Variants in GRK5 observed in about 807,000 individuals in gnomAD.
GRK5 encodes g protein-coupled receptor kinase GRK5.
GRK5 carries 40 observed loss-of-function variants against 78.4 expected under a neutral mutation model. The observed-to-expected ratio is 0.51, with a 90% confidence interval of 0.40 to 0.66. The LOEUF is 0.66. Among genes scored for constraint, GRK5 ranks in the 30% least tolerant of loss-of-function variants. GRK5 has a pLI of 0.00. For missense variants in GRK5, 598 were observed against 759.9 expected, an observed-to-expected ratio of 0.79 and a Z score of 2.50; for synonymous variants, 289 against 296.8, an observed-to-expected ratio of 0.97 and a Z score of 0.27.
At chr10:119,426,814 CCATCATCAG>C (rs1419611213) in intron 6 of GRK5, among the ~76,000 whole-genome samples, 1 of 152,012 alleles carries the variant, frequency 6.6e-6, no homozygotes, top group Non-Finnish European at 1.5e-5. Context: ...AACATCACCA[CCATCATCAG>C]CATCATCACC....
intron 11 of GRK5, 143 bp downstream of exon 11, chr10:119,442,231 T>C: frequency 1.4e-6 from 1 of 734,354 alleles, no homozygotes; most frequent in Non-Finnish European, 2.3e-6. Flanking sequence ...TCTGCAGGGC[T>C]GCTGGGGGGC....
At chr10:119,278,531 G>T (rs1238507435) in intron 1 of GRK5, among the ~76,000 whole-genome samples, 1 of 152,084 alleles carries the variant, frequency 6.6e-6, no homozygotes, top group Non-Finnish European at 1.5e-5. Flanking sequence ...TTTCTGAGCT[G>T]ACTGCTAGTT....
At chr10:119,326,321 G>A (rs990383722) in intron 1 of GRK5, among the ~76,000 whole-genome samples, 195 bp from the exon 2 acceptor site, 3 of 152,218 alleles carry the variant, frequency 2.0e-5, no homozygotes, top group Non-Finnish European at 2.9e-5. Context: ...GACTGTGCGG[G>A]ATACTGGGGC....
At chr10:119,362,583 C>CT (rs1188194343) in intron 2 of GRK5, among the ~76,000 whole-genome samples, 1 of 152,200 alleles carries the variant, frequency 6.6e-6, no homozygotes, top group Non-Finnish European at 1.5e-5. Context: ...GGAAGGAAGA[C>CT]TAAATAGTGT....
chr10:119,407,122 G>A (rs967698019), intron 4 of GRK5, among the ~76,000 whole-genome samples: 10 of 152,132 alleles, frequency 6.6e-5, no homozygotes, highest in African/African-American at 2.4e-4. Flanking sequence ...GCTGGGGGCT[G>A]GACTTCTCTT....
At chr10:119,325,339 G>A (rs1008973414) in intron 1 of GRK5, among the ~76,000 whole-genome samples, 10 of 152,212 alleles carry the variant, frequency 6.6e-5, no homozygotes, top group African/African-American at 2.2e-4. Context: ...GCCAGAGCAA[G>A]GTGGAGGACA....
intron 1 of GRK5, among the ~76,000 whole-genome samples, chr10:119,257,710 C>T (rs959630998): frequency 1.3e-5 from 2 of 151,998 alleles, no homozygotes; most frequent in Non-Finnish European, 2.9e-5. Flanking sequence ...GGCAACAGAG[C>T]GAGACTCTGT....
At chr10:119,221,995 G>C (rs1343826409) in intron 1 of GRK5, among the ~76,000 whole-genome samples, 2 of 152,148 alleles carry the variant, frequency 1.3e-5, no homozygotes, top group African/African-American at 2.4e-5. Flanking sequence ...TGTAAATCAG[G>C]CAGGGGGTAC....
chr10:119,396,765 C>T lies in GRK5; in HGVS notation c.332C>T (p.Thr111Ile). Residue 111 changes from threonine (T) to isoleucine (I), a missense_variant, in exon 4 of 16, where the codon ACC becomes ATC. Physicochemically the swap from Thr to Ile is moderately conservative, Grantham distance 89. Coordinates refer to ENST00000392870, the MANE Select transcript of GRK5 (RefSeq NM_005308.3). ...KGKEIMTKYL[T>I]PKSPVFIAQV... ...AAGGAAATTATGACCAAGTACCTCA[C>T]CCCAAAGGTAAGGAGTCTTCCAAAC... 2 of 1,612,692 alleles carry T rather than the reference C, an allele frequency of 1.2e-6. No homozygotes were observed. Among genetic ancestry groups the T allele is most frequent in the Non-Finnish European group, 8.5e-7 (1 of 1,178,664 alleles).
At chr10:119,446,132 T>C (rs1853143778) in intron 12 of GRK5, among the ~76,000 whole-genome samples, 1 of 152,158 alleles carries the variant, frequency 6.6e-6, no homozygotes, top group Non-Finnish European at 1.5e-5. Flanking sequence ...AAGCCCGCTC[T>C]GCCTGCCCCA....
chr10:119,357,404 A>G (rs1298204588), intron 2 of GRK5, among the ~76,000 whole-genome samples: 2 of 152,172 alleles, frequency 1.3e-5, no homozygotes, highest in Non-Finnish European at 2.9e-5. Context: ...AAAGCCCCTC[A>G]TGGGAGCGGG....
chr10:119,455,475 A>G lies in GRK5; in HGVS notation c.*408A>G, dbSNP rs1399867007. The G allele has an allele frequency of 2.8e-6, 1 of 360,194 alleles. No individual in the cohort carries two copies. The highest frequency in any genetic ancestry group is 5.3e-6 in the Non-Finnish European group (1 of 188,950). 22.3% of individuals were successfully genotyped at this position (360,194 alleles called of 1,614,324 possible). A position where few individuals can be genotyped will look rare whatever the true frequency, so the allele number is the denominator to read the frequency against. On this transcript the variant is annotated 3_prime_UTR_variant, in exon 16 of 16. Transcript: ENST00000392870. Reference sequence around the variant, plus strand: ...AATGAAAGTGAGACTTTGAGGGTGTATATTTTCTGTGCAGCCACTGTTAAG... The same window carrying G: ...AATGAAAGTGAGACTTTGAGGGTGTGTATTTTCTGTGCAGCCACTGTTAAG...
intron 3 of GRK5, among the ~76,000 whole-genome samples, chr10:119,392,634 C>T (rs1267761264): frequency 3.3e-5 from 5 of 152,134 alleles, no homozygotes; most frequent in East Asian, 1.9e-4. Flanking sequence ...GAACTCCTGA[C>T]GTCAGGTGAT....
At chr10:119,339,703 G>A (rs55946779) in intron 2 of GRK5, among the ~76,000 whole-genome samples, 6,762 of 152,158 alleles carry the variant, frequency 0.044, 214 homozygotes, top group African/African-American at 0.089. Context: ...GATCAGCCTG[G>A]GCAACATGGC....
chr10:119,286,012 G>A (rs1238017226), intron 1 of GRK5, among the ~76,000 whole-genome samples: 1 of 148,614 alleles, frequency 6.7e-6, no homozygotes, highest in African/African-American at 2.6e-5. Flanking sequence ...CACAAATCCA[G>A]GGGGTTATTC....
chr10:119,279,357 C>G (rs974671513), intron 1 of GRK5, among the ~76,000 whole-genome samples: 3 of 152,160 alleles, frequency 2.0e-5, no homozygotes, highest in African/African-American at 7.2e-5. Context: ...GCATACAATT[C>G]TGCTTATCAC....
intron 1 of GRK5, among the ~76,000 whole-genome samples, chr10:119,278,650 T>C (rs1849706529): frequency 6.6e-6 from 1 of 152,144 alleles, no homozygotes; most frequent in Non-Finnish European, 1.5e-5. Flanking sequence ...CTTCCACCTA[T>C]CACTCATTCA....
chr10:119,219,190 A>G (rs896066124), intron 1 of GRK5, among the ~76,000 whole-genome samples: 2 of 151,972 alleles, frequency 1.3e-5, no homozygotes, highest in Non-Finnish European at 2.9e-5. Context: ...GCCCGGCCCA[A>G]TATCTGAAAC....
intron 1 of GRK5, among the ~76,000 whole-genome samples, chr10:119,261,424 C>T (rs909184738): frequency 6.9e-6 from 1 of 145,558 alleles, no homozygotes; most frequent in Non-Finnish European, 1.5e-5. Context: ...ACTGGGCAGC[C>T]AGGCAGAGGG....
Sources: allele counts gnomAD v4.1 joint callset (sites outside exome capture counted in the v4.1 genomes callset), GRCh38; gene constraint gnomAD v4.1.1; transcripts MANE v1.5; gene names NCBI Gene and HGNC (gene_info 2026-07-23, HGNC 2026-07-21).